ZNF292: variants seen among roughly 807,000 people sequenced by gnomAD.
ZNF292 encodes zinc finger protein 292.
In ZNF292, 26 loss-of-function variants were observed where a neutral mutation model predicts 217.9. The ratio of observed to expected loss-of-function variants is 0.12; its 90% CI spans 0.09 to 0.17. The LOEUF (loss-of-function observed/expected upper bound fraction) is 0.17. Ranked by LOEUF, ZNF292 falls within the 10% of genes least tolerant of loss-of-function variation. The pLI is 1.00. For synonymous variants in ZNF292, 1,257 were observed against 1,124.1 expected (o/e 1.12, Z -2.37); for missense variants, 2,904 against 3,175.2 (o/e 0.91, Z 2.05).
chr6:87,232,324 C>T (rs1021451103), intron 4 of ZNF292, among the ~76,000 whole-genome samples: 11 of 152,024 alleles, frequency 7.2e-5, no homozygotes, highest in African/African-American at 2.4e-4. Flanking sequence ...AAGTAAAGAA[C>T]ATCTCTCATT....
intron 7 of ZNF292, among the ~76,000 whole-genome samples, chr6:87,251,679 T>C (rs1001380848): frequency 6.6e-6 from 1 of 152,242 alleles, no homozygotes; most frequent in Non-Finnish European, 1.5e-5. Flanking sequence ...TTGTTGTGAA[T>C]TTTAATTCAA....
chr6:87,265,087 AGTT>A lies in ZNF292; in HGVS notation c.*3287_*3289del, dbSNP rs1293645026. 6.7e-6 allele frequency among the ~76,000 whole-genome samples: 1 copy of A among 149,998 alleles called. No homozygotes were observed. Among genetic ancestry groups the A allele is most frequent in the Non-Finnish European group, 1.5e-5 (1 of 67,816 alleles). ...ATAAGTTTTCTAAATTGTGTGCTGT[AGTT>A]CTCTCTCTCTCTCTCTCTTTTTTTT... On this transcript the variant is annotated 3_prime_UTR_variant, in exon 8 of 8. Coordinates refer to ENST00000369577, the MANE Select transcript of ZNF292 (RefSeq NM_015021.3).
chr6:87,172,763 T>A (rs1303807778), intron 1 of ZNF292, among the ~76,000 whole-genome samples: 1 of 151,808 alleles, frequency 6.6e-6, no homozygotes, highest in Non-Finnish European at 1.5e-5. Flanking sequence ...AAATATTAGC[T>A]GGGCGTGGTG....
chr6:87,257,112 G>A lies in ZNF292; in HGVS notation c.3483G>A (p.Val1161=), dbSNP rs1480693449. 3 of 1,613,870 alleles carry A rather than the reference G, an allele frequency of 1.9e-6. No homozygotes were observed. The highest frequency in any genetic ancestry group is 2.2e-5 in the South Asian group (2 of 91,074). The change falls in exon 8 of 8, where the codon GTG becomes GTA. Residue 1161 remains valine (V), a synonymous_variant. Coordinates refer to ENST00000369577, the MANE Select transcript of ZNF292 (RefSeq NM_015021.3). The part of the protein sequence containing the change: ...GKFVYFLPSP[V]NSSNPFFTSQ... Reference sequence around the variant, plus strand: ...TTGTTTATTTTTTGCCATCACCGGTGAACAGCTCAAATCCATTTTTTACAT... The same window carrying A: ...TTGTTTATTTTTTGCCATCACCGGTAAACAGCTCAAATCCATTTTTTACAT...
chr6:87,164,858 G>A (rs909708269), intron 1 of ZNF292, among the ~76,000 whole-genome samples: 6 of 147,390 alleles, frequency 4.1e-5, no homozygotes, highest in African/African-American at 1.5e-4. Context: ...CTGCCTCCCA[G>A]TTCAAGCGAG....
At chr6:87,251,540 A>G (rs1384331605) in intron 7 of ZNF292, among the ~76,000 whole-genome samples, 1 of 152,194 alleles carries the variant, frequency 6.6e-6, no homozygotes, top group Non-Finnish European at 1.5e-5. Flanking sequence ...CTCTGAATTA[A>G]TGTCACTTAG....
intron 4 of ZNF292, among the ~76,000 whole-genome samples, chr6:87,227,403 C>T (rs1773409901): frequency 6.6e-6 from 1 of 151,788 alleles, no homozygotes; most frequent in African/African-American, 2.4e-5. Context: ...ACCAACAATG[C>T]TGAATTGTGT....
intron 7 of ZNF292, among the ~76,000 whole-genome samples, chr6:87,251,633 G>A (rs1774925845): frequency 6.6e-6 from 1 of 152,092 alleles, no homozygotes; most frequent in Admixed American, 6.5e-5. Context: ...AGATTTTTAT[G>A]GGCAAATCAC....
At chr6:87,251,308 C>T (rs904291576) in intron 7 of ZNF292, among the ~76,000 whole-genome samples, 1 of 152,036 alleles carries the variant, frequency 6.6e-6, no homozygotes, top group Non-Finnish European at 1.5e-5. Flanking sequence ...CAGGGTAAAG[C>T]ATGATGTTAT....
chr6:87,220,416 T>C (rs1240236841), intron 4 of ZNF292, among the ~76,000 whole-genome samples: 1 of 152,106 alleles, frequency 6.6e-6, no homozygotes, highest in Non-Finnish European at 1.5e-5. Flanking sequence ...GATGAGAAAA[T>C]AGAGGTTCAG....
At chr6:87,170,674 A>T (rs778918357) in intron 1 of ZNF292, among the ~76,000 whole-genome samples, 3 of 152,174 alleles carry the variant, frequency 2.0e-5, no homozygotes, top group Non-Finnish European at 2.9e-5. Flanking sequence ...ACCATCCTTT[A>T]TAAATCTTGT....
At chr6:87,156,588 A>G (rs1040306959) in intron 1 of ZNF292, among the ~76,000 whole-genome samples, 5 of 151,962 alleles carry the variant, frequency 3.3e-5, no homozygotes, top group Admixed American at 2.6e-4. Context: ...TCACCCCCTC[A>G]CCCCTGTTTC....
At chr6:87,189,716 A>C (rs1394668464) in intron 1 of ZNF292, among the ~76,000 whole-genome samples, 1 of 151,972 alleles carries the variant, frequency 6.6e-6, no homozygotes, top group Non-Finnish European at 1.5e-5. Context: ...ATGACTTAGC[A>C]CAGTTGATGT....
At chr6:87,161,366 A>G (rs1770749333) in intron 1 of ZNF292, among the ~76,000 whole-genome samples, 2 of 152,242 alleles carry the variant, frequency 1.3e-5, no homozygotes, top group Admixed American at 1.3e-4. Flanking sequence ...ATATCACTTC[A>G]AAATGACAGC....
intron 1 of ZNF292, among the ~76,000 whole-genome samples, chr6:87,215,404 T>C (rs1349691647): frequency 1.3e-5 from 2 of 152,186 alleles, no homozygotes; most frequent in Non-Finnish European, 2.9e-5. Flanking sequence ...TTGCTAGTGC[T>C]TGTCAAAAAA....
rs1562147010 is a variant in ZNF292, at chr6:87,216,153, ACAC to A, written c.323+97_323+99del. ...CACACACACACACACACACACACACACACAACATTAAATCTCAAGTCTTATAGT... is the reference window on the plus strand; with the variant it reads ...CACACACACACACACACACACACACAAACATTAAATCTCAAGTCTTATAGT... On this transcript the variant is annotated intron_variant, in intron 2 of 7. Coordinates refer to ENST00000369577, the MANE Select transcript of ZNF292 (RefSeq NM_015021.3). The A allele has an allele frequency of 2.7e-4, 320 of 1,171,618 alleles. 3 individuals are homozygous for A. The African/African-American group carries it at 4.7e-3, about 17-fold the overall frequency. 72.6% of individuals were successfully genotyped at this position (1,171,618 alleles called of 1,614,324 possible). A position where few individuals can be genotyped will look rare whatever the true frequency, so the allele number is the denominator to read the frequency against.
At position 87,257,352 on chromosome 6, in the gene ZNF292, A is replaced by C; in HGVS notation, c.3723A>C (p.Ala1241=). 6.2e-7 allele frequency: 1 copy of C among 1,613,750 alleles called. No individual in the cohort carries two copies. The highest frequency in any genetic ancestry group is 8.5e-7 in the Non-Finnish European group (1 of 1,179,778). Residue 1241 remains alanine (A), a synonymous_variant, in exon 8 of 8, where the codon GCA becomes GCC. Coordinates refer to ENST00000369577, the MANE Select transcript of ZNF292 (RefSeq NM_015021.3). ...ATTTACCTAGTACTGCCTTGCCAGC[A>C]CAAATGGAAGATCTAACCAAAACAG... ...MENLPSTALP[A]QMEDLTKTVL...
rs1209095419 is a variant in ZNF292, at chr6:87,259,259, C to T, written c.5630C>T (p.Thr1877Ile). The change falls in exon 8 of 8, where the codon ACT (threonine) becomes ATT (isoleucine). Residue 1877 changes from threonine (T) to isoleucine (I), a missense_variant. Physicochemically the swap from Thr to Ile is moderately conservative, Grantham distance 89 (BLOSUM62 -1). Transcript: ENST00000369577. The stretch of plus-strand genomic sequence containing the variant: ...CTGACTCCCACGCCTGTTAAATCAA[C>T]TGCAGATATCACAGTTATTCAGCCA... ...VTLTPTPVKS[T>I]ADITVIQPVS... 9.3e-6 allele frequency: 15 copies of T among 1,613,684 alleles called. No homozygotes were observed. Among genetic ancestry groups the T allele is most frequent in the Non-Finnish European group, 1.3e-5 (15 of 1,179,688 alleles).
At chr6:87,205,646 G>A (rs191040579) in intron 1 of ZNF292, among the ~76,000 whole-genome samples, 109 of 151,782 alleles carry the variant, frequency 7.2e-4, no homozygotes, top group African/African-American at 2.6e-3. Flanking sequence ...TGTAGTTATG[G>A]TTCCTTTCTC....
Sources: allele counts gnomAD v4.1 joint callset (sites outside exome capture counted in the v4.1 genomes callset), GRCh38; gene constraint gnomAD v4.1.1; transcripts MANE v1.5; gene names NCBI Gene and HGNC (gene_info 2026-07-23, HGNC 2026-07-21).